Variants in RPL22 observed in about 807,000 individuals in gnomAD.
RPL22 encodes the protein large ribosomal subunit protein eL22.
RPL22 carries 4 observed loss-of-function variants against 16.2 expected under a neutral mutation model. The ratio of observed to expected loss-of-function variants is 0.25; its 90% CI spans 0.12 to 0.57. The LOEUF (loss-of-function observed/expected upper bound fraction) is 0.57. Among genes scored for constraint, RPL22 ranks in the 20% least tolerant of loss-of-function variants. RPL22 has a pLI of 0.92. For missense variants in RPL22, 83 were observed against 156.1 expected (o/e 0.53, Z 2.49); for synonymous variants, 43 against 54.8 (o/e 0.78, Z 0.95).
intron 2 of RPL22, among the ~76,000 whole-genome samples, chr1:6,197,092 C>T (rs1021029860): frequency 1.3e-5 from 2 of 152,222 alleles, no homozygotes; most frequent in African/African-American, 2.4e-5. Flanking sequence ...TGCAATGGTG[C>T]GATCTCTGCT....
chr1:6,185,559 C>T lies in RPL22; in HGVS notation c.*1113G>A, dbSNP rs1667573419. ...CTATGCAACTCGCAGGGCACAATTT[C>T]AAGTGTGGAAACCATCTGTAGGCAA... On this transcript the variant is annotated 3_prime_UTR_variant, in exon 4 of 4. Transcript: ENST00000234875. 1 of 394,856 alleles carries T rather than the reference C, an allele frequency of 2.5e-6. No individual in the cohort carries two copies. 24.5% of individuals were successfully genotyped at this position (394,856 alleles called of 1,614,324 possible).
chr1:6,194,656 G>A (rs1457364926), intron 2 of RPL22, among the ~76,000 whole-genome samples: 3 of 152,202 alleles, frequency 2.0e-5, no homozygotes, highest in Admixed American at 6.5e-5. Context: ...GGAAGCCAAG[G>A]CAGGAAGATT....
chr1:6,195,171 C>T (rs1392184212), intron 2 of RPL22, among the ~76,000 whole-genome samples: 1 of 150,540 alleles, frequency 6.6e-6, no homozygotes, highest in Non-Finnish European at 1.5e-5. Context: ...TGGGGCCAGG[C>T]GCGGTGGCTC....
At chr1:6,187,465 T>C (rs1035149924) in intron 3 of RPL22, among the ~76,000 whole-genome samples, 1 of 151,684 alleles carries the variant, frequency 6.6e-6, no homozygotes, top group Non-Finnish European at 1.5e-5. Flanking sequence ...ATACAAAAAA[T>C]TAGCCAGACG....
At chr1:6,193,757 T>C (rs968738703) in intron 2 of RPL22, among the ~76,000 whole-genome samples, 3 of 152,092 alleles carry the variant, frequency 2.0e-5, no homozygotes, top group Non-Finnish European at 4.4e-5. Context: ...GGCCCTAATA[T>C]CGGTTTCTTA....
chr1:6,199,523 C>T lies in RPL22; in HGVS notation c.12+39G>A, dbSNP rs1236807548. The T allele has an allele frequency of 2.6e-6, 4 of 1,552,224 alleles. No individual in the cohort carries two copies. In the South Asian group the frequency reaches 3.6e-5, roughly 14 times the overall value. ...GCCGGGCTCGGCGAGGCCCACGTGC[C>T]TCCCCTGGAGCCGAGGCCTCACGCG... On this transcript the variant is annotated intron_variant, in intron 1 of 3. Coordinates refer to ENST00000234875, the MANE Select transcript of RPL22 (RefSeq NM_000983.4).
intron 3 of RPL22, among the ~76,000 whole-genome samples, chr1:6,187,528 C>T (rs1348530354): frequency 6.6e-6 from 1 of 150,396 alleles, no homozygotes; most frequent in East Asian, 2.0e-4. Context: ...GTAAGAGAAT[C>T]GCTTGAACCC....
At chr1:6,190,679 C>G (rs762635856) in intron 3 of RPL22, among the ~76,000 whole-genome samples, 1 of 152,186 alleles carries the variant, frequency 6.6e-6, no homozygotes, top group Non-Finnish European at 1.5e-5. Flanking sequence ...TCCTAACAGG[C>G]CACAGCCCCA....
intron 3 of RPL22, among the ~76,000 whole-genome samples, chr1:6,188,334 AAC>A: frequency 6.6e-6 from 1 of 152,046 alleles, no homozygotes; most frequent in South Asian, 2.1e-4. Context: ...GACCAGCCAA[AAC>A]ACTCATTCTT....
chr1:6,199,458 G>A, intron 1 of RPL22, 104 bp downstream of exon 1: 1 of 1,489,574 alleles, frequency 6.7e-7, no homozygotes, highest in South Asian at 1.3e-5. Context: ...CACCCCAGCA[G>A]GACGCTGCAG....
In RPL22 at chr1:6,197,759, A is replaced by T. The variant is rs768477350; in HGVS notation, c.13-3T>A. 11 of 1,550,932 alleles carry T rather than the reference A, an allele frequency of 7.1e-6. No individual in the cohort carries two copies. In the Admixed American group the frequency reaches 1.3e-4, roughly 19 times the overall value. On this transcript the variant is annotated splice_polypyrimidine_tract_variant and splice_region_variant and intron_variant, in intron 1 of 3. Coordinates refer to ENST00000234875, the MANE Select transcript of RPL22 (RefSeq NM_000983.4). ...CCCCCCTTCACCACAAGCTTTTTCT[A>T]AGAAAATACACAAATGATAACAGAG...
At position 6,199,404 on chromosome 1, in the gene RPL22, G is replaced by A. The variant is rs959084530; in HGVS notation, c.12+158C>T. Reference sequence around the variant, plus strand: ...CGGCCTCCTCCGCCTACAACGTGCTGGGATCGGCAGGGGCTCTGGCCCGCT... The same window carrying A: ...CGGCCTCCTCCGCCTACAACGTGCTAGGATCGGCAGGGGCTCTGGCCCGCT... On this transcript the variant is annotated intron_variant, in intron 1 of 3. Coordinates refer to ENST00000234875, the MANE Select transcript of RPL22 (RefSeq NM_000983.4). The A allele has an allele frequency of 2.9e-6, 4 of 1,377,934 alleles. No homozygotes were observed. The African/African-American group carries it at 4.5e-5, about 15-fold the overall frequency. The allele number at this position is 1,377,934 out of a possible 1,614,324, so 85.4% of individuals were successfully genotyped here.
chr1:6,193,168 C>CA lies in RPL22; in HGVS notation c.118-115dup, dbSNP rs1667673540. The CA allele has an allele frequency of 1.2e-5, 15 of 1,285,742 alleles. No individual in the cohort carries two copies. The Admixed American group carries it at 2.4e-4, about 20-fold the overall frequency. 79.6% of individuals were successfully genotyped at this position (1,285,742 alleles called of 1,614,324 possible). On this transcript the variant is annotated intron_variant, in intron 2 of 3. Coordinates refer to ENST00000234875, the MANE Select transcript of RPL22 (RefSeq NM_000983.4). ...TCATTTTTTGTTTTGGTTTTGGAGA[C>CA]AGAGTCTCACCAGCGCAATCACAGC...
chr1:6,196,777 T>A (rs1667723059), intron 2 of RPL22, among the ~76,000 whole-genome samples: 1 of 150,068 alleles, frequency 6.7e-6, no homozygotes, highest in African/African-American at 2.5e-5. Flanking sequence ...CAGAGCAAGA[T>A]CTGAAGAAAA....
chr1:6,197,782 G>A, intron 1 of RPL22, 26 bp from the exon 2 acceptor site: 1 of 1,483,996 alleles, frequency 6.7e-7, no homozygotes, highest in Non-Finnish European at 9.4e-7. Context: ...AATGATAACA[G>A]AGATGAAGTT....
chr1:6,186,924 T>A, intron 3 of RPL22, 108 bp from the exon 4 acceptor site: 4 of 1,530,814 alleles, frequency 2.6e-6, no homozygotes, highest in Non-Finnish European at 3.5e-6. Context: ...TTCAAGGTGT[T>A]TTCCCAAGCC....
intron 2 of RPL22, among the ~76,000 whole-genome samples, chr1:6,195,061 C>G (rs1051115003): frequency 8.2e-4 from 123 of 149,624 alleles, no homozygotes; most frequent in African/African-American, 2.9e-3. Flanking sequence ...GGCATGAACA[C>G]GGTAGGCGGA....
intron 1 of RPL22, chr1:6,198,377 T>C (rs1667748068): frequency 6.6e-6 from 1 of 152,390 alleles, no homozygotes; most frequent in Admixed American, 6.5e-5. Flanking sequence ...CGTCAAGAAC[T>C]TCTGACATTT....
chr1:6,195,035 G>A (rs1667697082), intron 2 of RPL22, among the ~76,000 whole-genome samples: 2 of 152,212 alleles, frequency 1.3e-5, no homozygotes, highest in Middle Eastern at 3.4e-3. Flanking sequence ...TACTTGGGAG[G>A]CTGAGGCAGG....
Sources: allele counts gnomAD v4.1 joint callset (sites outside exome capture counted in the v4.1 genomes callset), GRCh38; gene constraint gnomAD v4.1.1; transcripts MANE v1.5; gene names NCBI Gene and HGNC (gene_info 2026-07-23, HGNC 2026-07-21).